The following BTBD16 variants were observed in gnomAD, a reference collection of about 807,000 sequenced individuals.
BTBD16 encodes BTB domain containing 16, also known as BTB/POZ domain-containing protein 16.
In BTBD16, 66 loss-of-function variants were observed where a neutral mutation model predicts 67.4. The observed-to-expected ratio is 0.98, with a 90% CI of 0.80 to 1.20. BTBD16 has a LOEUF of 1.20. BTBD16 is among the 50% of genes most tolerant of loss of function. The pLI is 0.00. For missense variants in BTBD16, 634 were observed against 616.0 expected (o/e 1.03, Z -0.31); for synonymous variants, 242 against 236.4 (o/e 1.02, Z -0.22).
rs142259828 is a variant in BTBD16, at chr10:122,284,473, A to G, written c.241+549A>G. On this transcript the variant is annotated intron_variant, in intron 4 of 15. Transcript: ENST00000260723. ...CAAAAAAAAAAAAAGTAGTCTTTGT[A>G]TTGAAAGACTAAACAGAGTGCAGCA... Among the ~76,000 whole-genome samples the G allele has an allele frequency of 1.7e-3, 265 of 151,978 alleles. 1 individual carries two copies. The highest frequency in any genetic ancestry group is 3.3e-3 in the Non-Finnish European group (223 of 67,966).
chr10:122,296,462 T>G lies in BTBD16; in HGVS notation c.591-1306T>G, dbSNP rs547103522. On this transcript the variant is annotated intron_variant, in intron 7 of 15. Transcript: ENST00000260723. The stretch of plus-strand genomic sequence containing the variant: ...AGCCTCTGCCCATGAGCGGTGTGTA[T>G]ATCAACTGAGTTTAGGACAACCATT... Among the ~76,000 whole-genome samples the G allele has an allele frequency of 5.2e-4, 79 of 152,260 alleles. No individual in the cohort carries two copies. The South Asian group carries it at 0.016, about 31-fold the overall frequency.
intron 9 of BTBD16, 101 bp from the exon 10 acceptor site, chr10:122,307,088 G>A: frequency 7.4e-7 from 1 of 1,351,138 alleles, no homozygotes; most frequent in Non-Finnish European, 1.0e-6. Context: ...ACTCAAATGT[G>A]GTGTCACCTC....
chr10:122,273,335 A>G (rs1039110563), intron 1 of BTBD16, among the ~76,000 whole-genome samples: 1 of 151,790 alleles, frequency 6.6e-6, no homozygotes, highest in African/African-American at 2.4e-5. Flanking sequence ...TGCCATAATA[A>G]TGTGTATGCA....
chr10:122,328,043 G>A (rs1275465147), intron 10 of BTBD16, among the ~76,000 whole-genome samples: 3 of 152,224 alleles, frequency 2.0e-5, no homozygotes, highest in Non-Finnish European at 4.4e-5. Flanking sequence ...GGAGGACGGC[G>A]TCAGCTTGGC....
intron 4 of BTBD16, among the ~76,000 whole-genome samples, chr10:122,284,478 A>G (rs893991284): frequency 6.6e-6 from 1 of 152,110 alleles, no homozygotes. Context: ...TTTGTATTGA[A>G]AGACTAAACA....
intron 4 of BTBD16, among the ~76,000 whole-genome samples, chr10:122,284,267 G>A (rs975730035): frequency 1.3e-5 from 2 of 152,070 alleles, no homozygotes; most frequent in South Asian, 2.1e-4. Context: ...TCGCCAACAT[G>A]GTGAAACCCC....
intron 2 of BTBD16, among the ~76,000 whole-genome samples, chr10:122,276,005 C>T (rs1389040138): frequency 6.6e-6 from 1 of 152,226 alleles, no homozygotes. Flanking sequence ...AATATTTACA[C>T]AGTGGAATAT....
At position 122,314,163 on chromosome 10, in the gene BTBD16, C is replaced by T. The variant is rs150871963; in HGVS notation, c.911+6855C>T. On this transcript the variant is annotated intron_variant, in intron 10 of 15. Coordinates refer to ENST00000260723, the MANE Select transcript of BTBD16 (RefSeq NM_144587.5). ...TGTAGATCAATTTGGGGAAAATTGACCTCTTTAGAATACTGAGATTTGTAA... is the reference window on the plus strand; with the variant it reads ...TGTAGATCAATTTGGGGAAAATTGATCTCTTTAGAATACTGAGATTTGTAA... Among the ~76,000 whole-genome samples, 533 of 152,180 alleles carry T rather than the reference C, an allele frequency of 3.5e-3. 5 individuals carry two copies. Among genetic ancestry groups the T allele is most frequent in the African/African-American group, 0.011 (462 of 41,526 alleles).
chr10:122,289,702 C>T (rs2096370216), intron 5 of BTBD16, among the ~76,000 whole-genome samples: 2 of 152,174 alleles, frequency 1.3e-5, no homozygotes, highest in Non-Finnish European at 2.9e-5. Flanking sequence ...AGTGCCACTG[C>T]ATTCTAGCCT....
chr10:122,300,280 T>C (rs1311998830), intron 9 of BTBD16, among the ~76,000 whole-genome samples: 1 of 152,056 alleles, frequency 6.6e-6, no homozygotes, highest in African/African-American at 2.4e-5. Context: ...GAATAATGCA[T>C]AGAATATATA....
intron 4 of BTBD16, among the ~76,000 whole-genome samples, chr10:122,285,276 G>T (rs2096361436): frequency 6.6e-6 from 1 of 152,090 alleles, no homozygotes; most frequent in African/African-American, 2.4e-5. Flanking sequence ...ATGGCCTCTT[G>T]AGCCTCACCT....
At position 122,332,981 on chromosome 10, in the gene BTBD16, G is replaced by C. The variant is rs1011139181; in HGVS notation, c.1164+468G>C. On this transcript the variant is annotated intron_variant, in intron 13 of 15. Coordinates refer to ENST00000260723, the MANE Select transcript of BTBD16 (RefSeq NM_144587.5). ...CAGAATAAAACTGCAGTGGGTCAAGGAGCTTGATTGCAAGGCATCTTGGCA... is the reference window on the plus strand; with the variant it reads ...CAGAATAAAACTGCAGTGGGTCAAGCAGCTTGATTGCAAGGCATCTTGGCA... 6.1e-6 allele frequency: 6 copies of C among 985,088 alleles called. No homozygotes were observed. In the African/African-American group the frequency reaches 1.0e-4, roughly 17 times the overall value. 61.0% of individuals were successfully genotyped at this position (985,088 alleles called of 1,614,324 possible). A position where few individuals can be genotyped will look rare whatever the true frequency, so the allele number is the denominator to read the frequency against.
Position 122,336,474 on chromosome 10 carries a change from G to C in BTBD16, c.1264-20G>C, listed in dbSNP as rs771979233. 4 of 1,582,496 alleles carry C rather than the reference G, an allele frequency of 2.5e-6. No homozygotes were observed. The highest frequency in any genetic ancestry group is 3.4e-6 in the Non-Finnish European group (4 of 1,165,794). ...CACCCCGATTGCAGTTCCACCTAAG[G>C]TGAATCACTCTCTTTGCAGAGAATA... is the stretch of plus-strand genomic sequence containing the variant. On this transcript the variant is annotated intron_variant, in intron 14 of 15. Coordinates refer to ENST00000260723, the MANE Select transcript of BTBD16 (RefSeq NM_144587.5).
chr10:122,331,196 C>A lies in BTBD16; in HGVS notation c.1024C>A (p.Arg342=), dbSNP rs113568037. Residue 342 remains arginine, a synonymous_variant, in exon 12 of 16, where the codon CGG becomes AGG. Coordinates refer to ENST00000260723, the MANE Select transcript of BTBD16 (RefSeq NM_144587.5). The stretch of plus-strand genomic sequence containing the variant: ...CCCAGGCAAGGATCTGGAGGTGCTG[C>A]GGCACCTTAACTTCTTCCCAGAGTC... ...ITKGKDLEVL[R]HLNFFPESWL... 7 of 1,612,794 alleles carry A rather than the reference C, an allele frequency of 4.3e-6. No homozygotes were observed. Among genetic ancestry groups the A allele is most frequent in the Admixed American group, 1.7e-5 (1 of 59,828 alleles).
chr10:122,280,746 A>G (rs896343973), intron 3 of BTBD16, among the ~76,000 whole-genome samples: 36 of 152,284 alleles, frequency 2.4e-4, no homozygotes, highest in African/African-American at 7.7e-4. Flanking sequence ...CAGGCATTGC[A>G]ATGCAATACC....
intron 3 of BTBD16, among the ~76,000 whole-genome samples, chr10:122,279,511 A>ACACACACACAC (rs2096347757): frequency 1.4e-5 from 2 of 143,976 alleles, no homozygotes; most frequent in African/African-American, 5.1e-5. Context: ...GAGAAAGAGA[A>ACACACACACAC]ACACACACAC....
intron 10 of BTBD16, among the ~76,000 whole-genome samples, 186 bp from the exon 11 acceptor site, chr10:122,329,294 C>G (rs954271416): frequency 6.6e-6 from 1 of 152,312 alleles, no homozygotes; most frequent in Middle Eastern, 3.4e-3. Context: ...TGGGGCTGGA[C>G]TTTATAAAAT....
intron 10 of BTBD16, among the ~76,000 whole-genome samples, chr10:122,322,273 A>G (rs977323231): frequency 2.6e-5 from 4 of 152,196 alleles, no homozygotes; most frequent in Non-Finnish European, 5.9e-5. Flanking sequence ...GTATTTAGAT[A>G]TCTGATTTCC....
intron 10 of BTBD16, among the ~76,000 whole-genome samples, chr10:122,317,464 G>A (rs185562231): frequency 4.6e-5 from 7 of 152,046 alleles, no homozygotes; most frequent in African/African-American, 9.6e-5. Flanking sequence ...TGGCTAACAC[G>A]GTGAAACCCT....
Sources: allele counts gnomAD v4.1 joint callset (sites outside exome capture counted in the v4.1 genomes callset), GRCh38; gene constraint gnomAD v4.1.1; transcripts MANE v1.5; gene names NCBI Gene and HGNC (gene_info 2026-07-23, HGNC 2026-07-21).